Variants in CDH6 observed in about 807,000 individuals in gnomAD.
CDH6 encodes cadherin 6.
A neutral mutation model predicts 78.0 loss-of-function variants in CDH6; 31 were observed. The ratio of observed to expected loss-of-function variants is 0.40; its 90% confidence interval spans 0.30 to 0.54. The LOEUF is 0.54. Among genes scored for constraint, CDH6 ranks in the 20% least tolerant of loss-of-function variants. CDH6 has a pLI of 0.56. For synonymous variants in CDH6, 376 were observed against 368.8 expected (o/e 1.02, Z -0.23); for missense variants, 724 against 975.9 (o/e 0.74, Z 3.44).
intron 1 of CDH6, among the ~76,000 whole-genome samples, chr5:31,216,137 CT>C (rs34235749): frequency 0.068 from 10,077 of 147,944 alleles, 637 homozygotes; most frequent in East Asian, 0.37. Flanking sequence ...ATACATCTGA[CT>C]TTTTTTTTTT....
chr5:31,220,423 G>A (rs1409946155), intron 1 of CDH6, among the ~76,000 whole-genome samples: 1 of 152,158 alleles, frequency 6.6e-6, no homozygotes, highest in South Asian at 2.1e-4. Flanking sequence ...CTTAGAGTTA[G>A]TGTGAGTTAT....
At chr5:31,303,959 C>T (rs766133289) in intron 6 of CDH6, among the ~76,000 whole-genome samples, 6 of 152,136 alleles carry the variant, frequency 3.9e-5, no homozygotes, top group Non-Finnish European at 8.8e-5. Flanking sequence ...CATTCACCAA[C>T]GTCTAGATTA....
At chr5:31,219,157 G>A (rs1158596366) in intron 1 of CDH6, among the ~76,000 whole-genome samples, 1 of 152,178 alleles carries the variant, frequency 6.6e-6, no homozygotes, top group Non-Finnish European at 1.5e-5. Context: ...AATTCTGCCA[G>A]CAGATGGCCT....
intron 2 of CDH6, among the ~76,000 whole-genome samples, chr5:31,276,602 TGAA>T (rs1742701570): frequency 6.6e-6 from 1 of 152,176 alleles, no homozygotes; most frequent in Non-Finnish European, 1.5e-5. Context: ...AGAAGGTAGT[TGAA>T]GAAGTTATCT....
intron 1 of CDH6, among the ~76,000 whole-genome samples, chr5:31,228,031 A>G (rs1230324605): frequency 6.6e-6 from 1 of 152,214 alleles, no homozygotes; most frequent in Non-Finnish European, 1.5e-5. Flanking sequence ...CAGGCTCTAG[A>G]GGAGAAGCCA....
chr5:31,198,642 T>C (rs1357021809), intron 1 of CDH6, among the ~76,000 whole-genome samples: 4 of 152,098 alleles, frequency 2.6e-5, no homozygotes, highest in Admixed American at 6.6e-5. Flanking sequence ...AAAAATTAAC[T>C]TGGGGAAGTG....
In CDH6 at chr5:31,313,465, C is replaced by G; in HGVS notation, c.1390+11C>G. The G allele has an allele frequency of 6.2e-7, 1 of 1,611,340 alleles. No individual in the cohort carries two copies. The highest frequency in any genetic ancestry group is 8.5e-7 in the Non-Finnish European group (1 of 1,177,962). On this transcript the variant is annotated intron_variant, in intron 8 of 11. Coordinates refer to ENST00000265071, the MANE Select transcript of CDH6 (RefSeq NM_004932.4). ...TAGCAACAGAGATCAGTAAGTCCTA[C>G]CTAATACCGCTGCTGTCCCCTATTA...
At chr5:31,307,666 A>T (rs976162323) in intron 7 of CDH6, among the ~76,000 whole-genome samples, 2 of 152,252 alleles carry the variant, frequency 1.3e-5, no homozygotes, top group South Asian at 4.1e-4. Flanking sequence ...GTAACTGCAT[A>T]AGGAAAAAAA....
In CDH6 at chr5:31,233,404, A is replaced by T. The variant is rs189494527; in HGVS notation, c.-128-33942A>T. On this transcript the variant is annotated intron_variant, in intron 1 of 11. Coordinates refer to ENST00000265071, the MANE Select transcript of CDH6 (RefSeq NM_004932.4). ...GTTGTGCACACCTGTAGTCCCAGCT[A>T]CTCAGGAGGCCGAGGTGGGAGGATC... 2.0e-3 allele frequency among the ~76,000 whole-genome samples: 301 copies of T among 151,570 alleles called. 2 individuals carry two copies. The highest frequency in any genetic ancestry group is 7.1e-3 in the African/African-American group (294 of 41,308).
chr5:31,302,919 GAAAGAAA>G (rs1737848155), intron 6 of CDH6, among the ~76,000 whole-genome samples: 1 of 116,648 alleles, frequency 8.6e-6, no homozygotes, highest in African/African-American at 2.9e-5. Context: ...AAGAAAGAAA[GAAAGAAA>G]GAAAGAAAGA....
intron 2 of CDH6, among the ~76,000 whole-genome samples, chr5:31,292,824 T>TATATATATATATATATGTGTGC (rs1737426564): frequency 1.2e-4 from 3 of 25,288 alleles, no homozygotes; most frequent in African/African-American, 2.6e-4. Context: ...TATGTGTGCA[T>TATATATATATATATATGTGTGC]ATATATATAT....
intron 2 of CDH6, among the ~76,000 whole-genome samples, chr5:31,287,054 G>A (rs1200574389): frequency 6.6e-6 from 1 of 152,124 alleles, no homozygotes; most frequent in Admixed American, 6.5e-5. Flanking sequence ...AGTTGTCTAA[G>A]AGAAAGAGGT....
chr5:31,213,871 G>A (rs962139546), intron 1 of CDH6, among the ~76,000 whole-genome samples: 1 of 151,954 alleles, frequency 6.6e-6, no homozygotes, highest in East Asian at 1.9e-4. Flanking sequence ...CTCCTGGCAG[G>A]CACCTGCCAA....
At chr5:31,261,777 G>A (rs932536363) in intron 1 of CDH6, among the ~76,000 whole-genome samples, 1 of 152,198 alleles carries the variant, frequency 6.6e-6, no homozygotes, top group South Asian at 2.1e-4. Context: ...AAACTTGAAC[G>A]TAATTATATT....
chr5:31,328,030 G>A lies in CDH6; in HGVS notation c.*4722G>A. Reference sequence around the variant, plus strand: ...TTGGGGGAAACGTTAGCCCAACAGAGCCGGCAGATGAAAGTGTTGAAAAGA... The same window carrying A: ...TTGGGGGAAACGTTAGCCCAACAGAACCGGCAGATGAAAGTGTTGAAAAGA... On this transcript the variant is annotated 3_prime_UTR_variant, in exon 12 of 12. Coordinates refer to ENST00000265071, the MANE Select transcript of CDH6 (RefSeq NM_004932.4). 1 of 217,620 alleles carries A rather than the reference G, an allele frequency of 4.6e-6. No individual in the cohort carries two copies. The highest frequency in any genetic ancestry group is 6.7e-5 in the East Asian group (1 of 14,828). 13.5% of individuals were successfully genotyped at this position (217,620 alleles called of 1,614,324 possible). A position where few individuals can be genotyped will look rare whatever the true frequency, so the allele number is the denominator to read the frequency against.
chr5:31,322,910 TAC>T lies in CDH6; in HGVS notation c.1977_1978del (p.Tyr659Ter). On this transcript the variant is annotated frameshift_variant, in exon 12 of 12. Transcript: ENST00000265071. LOFTEE classifies it high-confidence loss of function. ...GGACATCAGAGATAACATTGTCAGTTACAACGACGAAGGTGGTGGAGAGGAGG... is the reference window on the plus strand; with the variant it reads ...GGACATCAGAGATAACATTGTCAGTTAACGACGAAGGTGGTGGAGAGGAGG... ...KEDIRDNIVS[Y>X]NDEGGGEEDT... 1 of 1,614,164 alleles carries T rather than the reference TAC, an allele frequency of 6.2e-7. No individual in the cohort carries two copies. Among genetic ancestry groups the T allele is most frequent in the Non-Finnish European group, 8.5e-7 (1 of 1,180,020 alleles).
At chr5:31,206,451 C>T (rs1740524772) in intron 1 of CDH6, among the ~76,000 whole-genome samples, 2 of 152,034 alleles carry the variant, frequency 1.3e-5, no homozygotes, top group African/African-American at 4.8e-5. Context: ...CTCATAGAGG[C>T]CTTTTAGCTT....
chr5:31,218,852 G>A (rs1017597989), intron 1 of CDH6, among the ~76,000 whole-genome samples: 1 of 152,152 alleles, frequency 6.6e-6, no homozygotes, highest in African/African-American at 2.4e-5. Flanking sequence ...GGTTCCCACA[G>A]CACTAACCCA....
Position 31,294,798 on chromosome 5 carries a change from C to T in CDH6, c.523+542C>T, listed in dbSNP as rs936844171. ...TTACTACATGGTGGAAATGAAAAGA[C>T]TTTCATAACATACATAGAGTGAATT... On this transcript the variant is annotated intron_variant, in intron 3 of 11. Coordinates refer to ENST00000265071, the MANE Select transcript of CDH6 (RefSeq NM_004932.4). This position sits in a 1 kb window ranked among gnomAD's most constrained non-coding sequence, Gnocchi z 4.1. Among the ~76,000 whole-genome samples the T allele has an allele frequency of 6.6e-6, 1 of 152,084 alleles. No homozygotes were observed. The highest frequency in any genetic ancestry group is 1.5e-5 in the Non-Finnish European group (1 of 68,002).
Sources: allele counts gnomAD v4.1 joint callset (sites outside exome capture counted in the v4.1 genomes callset), GRCh38; gene constraint gnomAD v4.1.1; non-coding constraint Gnocchi (gnomAD v3.1); transcripts MANE v1.5; gene names NCBI Gene and HGNC (gene_info 2026-07-23, HGNC 2026-07-21).